Variants in CCL17 observed in about 807,000 individuals in gnomAD.
The protein encoded by CCL17 is C-C motif chemokine 17.
A neutral mutation model predicts 7.4 loss-of-function variants in CCL17; 8 were observed. That is an observed-to-expected ratio of 1.09 (90% CI 0.64 to 1.96). The LOEUF is 1.96. CCL17 is among the 30% of genes most tolerant of loss of function. The probability of loss-of-function intolerance (pLI) is 0.00; values close to 1 mark genes in which losing one functional copy is unlikely to be tolerated. For synonymous variants in CCL17, 40 were observed against 46.1 expected (o/e 0.87, Z 0.54); for missense variants, 102 against 113.0 (o/e 0.90, Z 0.44).
the CCL17 span, among the ~76,000 whole-genome samples, chr16:57,397,092 TC>T: frequency 6.6e-6 from 1 of 152,198 alleles, no homozygotes; most frequent in Non-Finnish European, 1.5e-5. Flanking sequence ...AGTATTGAAA[TC>T]CCCTTGACTT....
In CCL17 at chr16:57,413,959, G is replaced by C; in HGVS notation, c.27G>C (p.Leu9=). The part of the protein sequence containing the change: MAPLKMLA[L]VTLLLGASLQ... ...TGGCCCCACTGAAGATGCTGGCCCT[G>C]GTCACCCTCCTCCTGGGGGCTTCTC... Residue 9 remains leucine, a synonymous_variant, in exon 2 of 4, where the codon CTG becomes CTC. Transcript: ENST00000219244. 1.9e-6 allele frequency: 3 copies of C among 1,610,616 alleles called. No individual in the cohort carries two copies. The highest frequency in any genetic ancestry group is 2.5e-6 in the Non-Finnish European group (3 of 1,178,616).
intron 1 of CCL17, among the ~76,000 whole-genome samples, chr16:57,405,369 G>A (rs754134382): frequency 3.3e-5 from 5 of 152,212 alleles, no homozygotes; most frequent in Non-Finnish European, 5.9e-5. Context: ...TGAAGACAGC[G>A]CTGGGCAGAG....
chr16:57,415,102 G>A lies in CCL17; in HGVS notation c.92G>A (p.Arg31Gln), dbSNP rs377361646. 4.2e-5 allele frequency: 67 copies of A among 1,613,536 alleles called. No homozygotes were observed. The highest frequency in any genetic ancestry group is 4.8e-5 in the Non-Finnish European group (57 of 1,179,614). Reference sequence around the variant, plus strand: ...GCAGCTCGAGGGACCAATGTGGGCCGGGAGTGCTGCCTGGAGTACTTCAAG... The same window carrying A: ...GCAGCTCGAGGGACCAATGTGGGCCAGGAGTGCTGCCTGGAGTACTTCAAG... ...IHAARGTNVG[R>Q]ECCLEYFKGA... The change falls in exon 3 of 4, where the codon CGG (arginine) becomes CAG (glutamine). Residue 31 changes from arginine to glutamine, a missense_variant. Coordinates refer to ENST00000219244, the MANE Select transcript of CCL17 (RefSeq NM_002987.3). This position sits in a 1 kb window ranked among gnomAD's most constrained non-coding sequence, Gnocchi z 4.5.
intron 2 of CCL17, 103 bp downstream of exon 2, chr16:57,414,105 C>A: frequency 5.3e-6 from 4 of 750,672 alleles, no homozygotes; most frequent in Non-Finnish European, 8.4e-6. Flanking sequence ...TTATTTACAC[C>A]CCACCTACTC....
upstream of CCL17, among the ~76,000 whole-genome samples, chr16:57,400,978 AAAAG>A (rs1237387059): frequency 6.6e-6 from 1 of 152,096 alleles, no homozygotes; most frequent in African/African-American, 2.4e-5. Context: ...CAAAAAAAAA[AAAAG>A]AAACTTACCC....
At chr16:57,403,214 A>T (rs1467644419), upstream of CCL17, among the ~76,000 whole-genome samples, 4 of 6,944 alleles carry the variant, frequency 5.8e-4, 2 homozygotes, top group Non-Finnish European at 8.1e-4. Flanking sequence ...AATATATATA[A>T]TATATATTAT....
chr16:57,397,986 G>C, the CCL17 span, among the ~76,000 whole-genome samples: 2 of 152,136 alleles, frequency 1.3e-5, no homozygotes, highest in Non-Finnish European at 1.5e-5. Flanking sequence ...GCATAAGTCT[G>C]GGCTGCAATT....
the CCL17 span, among the ~76,000 whole-genome samples, chr16:57,398,989 C>T: frequency 6.6e-6 from 1 of 152,156 alleles, no homozygotes; most frequent in African/African-American, 2.4e-5. Flanking sequence ...AACTGGGAGT[C>T]AGAGTGCAGG....
At chr16:57,414,772 G>A (rs926002937) in intron 2 of CCL17, among the ~76,000 whole-genome samples, 3 of 152,004 alleles carry the variant, frequency 2.0e-5, no homozygotes, top group Admixed American at 6.6e-5. Context: ...ATACAGGGAC[G>A]CGCACAGATG....
intron 1 of CCL17, among the ~76,000 whole-genome samples, chr16:57,410,946 G>A (rs1598012527): frequency 6.6e-6 from 1 of 152,196 alleles, no homozygotes; most frequent in Non-Finnish European, 1.5e-5. Context: ...TCGTGTGACT[G>A]GCTCTTAGCC....
chr16:57,403,361 TA>T (rs530091687), upstream of CCL17, among the ~76,000 whole-genome samples: 33 of 19,488 alleles, frequency 1.7e-3, 4 homozygotes, highest in African/African-American at 0.017. Context: ...ATAATATATA[TA>T]TTATAATATA....
At position 57,414,864 on chromosome 16, in the gene CCL17, G is replaced by A. The variant is rs139051681; in HGVS notation, c.71-217G>A. Among the ~76,000 whole-genome samples, 119 of 151,628 alleles carry A rather than the reference G, an allele frequency of 7.8e-4. 1 individual carries two copies. Among genetic ancestry groups the A allele is most frequent in the Middle Eastern group, 6.8e-3 (2 of 294 alleles). ...AAAACATGCACACCCACAAACACAC[G>A]GGACCCCACAACATACACAGAAGCC... On this transcript the variant is annotated intron_variant, in intron 2 of 3. Coordinates refer to ENST00000219244, the MANE Select transcript of CCL17 (RefSeq NM_002987.3).
upstream of CCL17, among the ~76,000 whole-genome samples, chr16:57,399,883 G>C (rs1433497976): frequency 6.6e-6 from 1 of 152,114 alleles, no homozygotes; most frequent in Non-Finnish European, 1.5e-5. Context: ...AACACCATGG[G>C]TGCAGTCTAG....
chr16:57,397,022 T>G, the CCL17 span, among the ~76,000 whole-genome samples: 9,394 of 152,290 alleles, frequency 0.062, 435 homozygotes, highest in African/African-American at 0.13. Flanking sequence ...TCCTGATCCT[T>G]CTCTGTCTTG....
At chr16:57,406,026 A>G (rs1902690847) in intron 1 of CCL17, among the ~76,000 whole-genome samples, 1 of 146,398 alleles carries the variant, frequency 6.8e-6, no homozygotes, top group Non-Finnish European at 1.5e-5. Context: ...TGGGCGAAAG[A>G]GCAAGACTCC....
At chr16:57,400,232 G>A (rs901386129), upstream of CCL17, among the ~76,000 whole-genome samples, 1 of 151,932 alleles carries the variant, frequency 6.6e-6, no homozygotes, top group Non-Finnish European at 1.5e-5. Context: ...AGTGGCGGGC[G>A]CCTGTAATCT....
At chr16:57,405,994 A>G (rs1902689923) in intron 1 of CCL17, among the ~76,000 whole-genome samples, 1 of 151,890 alleles carries the variant, frequency 6.6e-6, no homozygotes. Context: ...GTAAGCCGAG[A>G]TAGCGCTGCT....
chr16:57,406,075 A>G (rs547763509), intron 1 of CCL17, among the ~76,000 whole-genome samples: 2 of 152,220 alleles, frequency 1.3e-5, no homozygotes, highest in South Asian at 4.1e-4. Flanking sequence ...CCAGAGGTAA[A>G]AGATCTGGGG....
chr16:57,415,035 C>A lies in CCL17; in HGVS notation c.71-46C>A. 1 of 1,282,202 alleles carries A rather than the reference C, an allele frequency of 7.8e-7. No homozygotes were observed. Among genetic ancestry groups the A allele is most frequent in the Non-Finnish European group, 1.1e-6 (1 of 877,954 alleles). The allele number at this position is 1,282,202 out of a possible 1,614,324, so 79.4% of individuals were successfully genotyped here. ...ACCCCCCAGAGGTCCCCGCAACACA[C>A]ACGCAGACACTCACAGACACCCCTG... On this transcript the variant is annotated intron_variant, in intron 2 of 3. Transcript: ENST00000219244. This position sits in a 1 kb window ranked among gnomAD's most constrained non-coding sequence, Gnocchi z 4.5.
Sources: gnomAD v4.1 joint callset for allele counts (sites outside exome capture counted in the v4.1 genomes callset) on GRCh38, gnomAD v4.1.1 for gene constraint, Gnocchi (gnomAD v3.1) non-coding constraint, MANE v1.5 for transcripts, NCBI Gene and HGNC (gene_info 2026-07-23, HGNC 2026-07-21) for gene names.